EIF1AX: variants seen among roughly 807,000 people sequenced by gnomAD.
EIF1AX encodes eukaryotic translation initiation factor 1A X-linked.
Under a neutral mutation model 16.1 loss-of-function variants are expected in EIF1AX, and 1 was observed. The ratio of observed to expected loss-of-function variants is 0.06; its 90% CI spans 0.02 to 0.30. EIF1AX has a LOEUF of 0.30. EIF1AX is among the 10% of genes least tolerant of loss of function. EIF1AX has a pLI of 1.00. For synonymous variants in EIF1AX, 32 were observed against 37.3 expected, an observed-to-expected ratio of 0.86 and a Z score of 0.51; for missense variants, 11 against 109.1, an observed-to-expected ratio of 0.10 and a Z score of 4.00.
At chrX:20,134,459 C>A (rs1323606429) in intron 3 of EIF1AX, among the ~76,000 whole-genome samples, 7 of 110,792 alleles carry the variant, frequency 6.3e-5, no homozygotes, top group African/African-American at 2.3e-4. Context: ...TTAGTTTGGG[C>A]TGGCATTGTG....
At chrX:20,135,225 T>C (rs180869152) in intron 3 of EIF1AX, among the ~76,000 whole-genome samples, 3 of 109,770 alleles carry the variant, frequency 2.7e-5, no homozygotes, top group Non-Finnish European at 3.8e-5. Flanking sequence ...GGTGGGCTGA[T>C]TGCTTGAGCT....
intron 4 of EIF1AX, 59 bp downstream of exon 4, chrX:20,133,898 A>C: frequency 2.1e-6 from 2 of 958,127 alleles, no homozygotes; most frequent in Non-Finnish European, 2.9e-6. Context: ...CTGGCTCTTA[A>C]GAAATGGCTC....
At chrX:20,133,860 G>T in intron 4 of EIF1AX, 97 bp downstream of exon 4, 1 of 649,137 alleles carries the variant, frequency 1.5e-6, no homozygotes, top group Non-Finnish European at 2.4e-6. Context: ...AAATCCCTGG[G>T]ATACCTAGCA....
chrX:20,131,679 GTTT>G (rs758358275), intron 5 of EIF1AX, among the ~76,000 whole-genome samples: 33 of 85,818 alleles, frequency 3.8e-4, no homozygotes, highest in African/African-American at 1.3e-3. Flanking sequence ...TTGCTTCATG[GTTT>G]TTTTTTTTTT....
chrX:20,125,490 T>A lies in EIF1AX; in HGVS notation c.*2816A>T, dbSNP rs1190320413. On this transcript the variant is annotated 3_prime_UTR_variant, in exon 7 of 7. Coordinates refer to ENST00000379607, the MANE Select transcript of EIF1AX (RefSeq NM_001412.4). The stretch of plus-strand genomic sequence containing the variant: ...AAGTAGAATAAAGATAAGCATTTCA[T>A]ACCAATACAAATCATTTTCATCTTT... 1.2e-5 allele frequency: 2 copies of A among 169,742 alleles called. No homozygotes were observed. The highest frequency in any genetic ancestry group is 2.3e-5 in the Non-Finnish European group (2 of 88,638). 14.0% of individuals were successfully genotyped at this position (169,742 alleles called of 1,213,427 possible). A position where few individuals can be genotyped will look rare whatever the true frequency, so the allele number is the denominator to read the frequency against.
At position 20,133,863 on chromosome X, in the gene EIF1AX, A is replaced by G. The variant is rs1027585199; in HGVS notation, c.255+94T>C. 7 of 668,834 alleles carry G rather than the reference A, an allele frequency of 1.0e-5. No individual in the cohort carries two copies. The African/African-American group carries it at 1.6e-4, about 15-fold the overall frequency. The allele number at this position is 668,834 out of a possible 1,213,427, so 55.1% of individuals were successfully genotyped here. On this transcript the variant is annotated intron_variant, in intron 4 of 6. Transcript: ENST00000379607. ...TGATTTAAACATAAATCCCTGGGAT[A>G]CCTAGCACAATGCCTGAAACAAAAC...
At position 20,130,606 on chromosome X, in the gene EIF1AX, A is replaced by G. The variant is rs2066998470; in HGVS notation, c.339T>C (p.Ala113=). 8.4e-7 allele frequency: 1 copy of G among 1,193,348 alleles called. No homozygotes were observed. Among genetic ancestry groups the G allele is most frequent in the Non-Finnish European group, 1.1e-6 (1 of 887,427 alleles). ...LKAYGELPEH[A]KINETDTFGP... ...CAAATGTATCAGTTTCATTGATTTTAGCTAAGGACACAGTAAGAAATACTC... is the reference window on the plus strand; with the variant it reads ...CAAATGTATCAGTTTCATTGATTTTGGCTAAGGACACAGTAAGAAATACTC... The change falls in exon 6 of 7, where the codon GCT becomes GCC. Residue 113 remains alanine (A), a splice_region_variant and synonymous_variant. Transcript: ENST00000379607.
intron 2 of EIF1AX, among the ~76,000 whole-genome samples, chrX:20,138,246 G>A (rs933767977): frequency 2.8e-5 from 3 of 109,085 alleles, no homozygotes; most frequent in African/African-American, 1.0e-4. Context: ...CTCGTGATCC[G>A]CCCGCCTTGG....
chrX:20,128,411 G>T, intron 6 of EIF1AX, 100 bp from the exon 7 acceptor site: 3 of 667,059 alleles, frequency 4.5e-6, no homozygotes, highest in Non-Finnish European at 6.7e-6. Flanking sequence ...TAGGCTATGT[G>T]AGAAACAAAT....
chrX:20,135,341 G>A (rs1204360870), intron 3 of EIF1AX, among the ~76,000 whole-genome samples: 1 of 110,628 alleles, frequency 9.0e-6, no homozygotes, highest in Non-Finnish European at 1.9e-5. Flanking sequence ...TGCTACACGG[G>A]AGGCTGAAGT....
At chrX:20,137,145 A>C (rs1219869372) in intron 2 of EIF1AX, among the ~76,000 whole-genome samples, 1 of 112,197 alleles carries the variant, frequency 8.9e-6, no homozygotes, top group East Asian at 2.8e-4. Context: ...AATGGTCCTG[A>C]AGAAATCCTA....
chrX:20,138,475 T>G (rs1018563383), intron 2 of EIF1AX, 64 bp downstream of exon 2: 115 of 949,077 alleles, frequency 1.2e-4, no homozygotes, highest in Middle Eastern at 3.8e-4. Context: ...CTCAAAAAAA[T>G]AAAGTCCCCA....
chrX:20,130,405 T>A, intron 6 of EIF1AX, 111 bp downstream of exon 6: 1 of 658,064 alleles, frequency 1.5e-6, no homozygotes, highest in Non-Finnish European at 1.9e-6. Flanking sequence ...ATTCTCAAAA[T>A]ACAACCTTAT....
chrX:20,139,928 T>G (rs2067028934), intron 1 of EIF1AX: 1 of 112,596 alleles, frequency 8.9e-6, no homozygotes, highest in South Asian at 3.6e-4. Flanking sequence ...AAATGTTATT[T>G]AAGAAAAGAC....
At chrX:20,131,702 A>AT (rs1181162898) in intron 5 of EIF1AX, among the ~76,000 whole-genome samples, 2 of 73,244 alleles carry the variant, frequency 2.7e-5, no homozygotes, top group Non-Finnish European at 5.3e-5. Context: ...TTTTTTTTTA[A>AT]TTTTTTTTGA....
rs2066981425 is a variant in EIF1AX, at chrX:20,125,183, G to C, written c.*3123C>G. The C allele has an allele frequency of 1.3e-5, 2 of 155,264 alleles. No homozygotes were observed. The highest frequency in any genetic ancestry group is 6.1e-5 in the African/African-American group (2 of 32,782). 12.8% of individuals were successfully genotyped at this position (155,264 alleles called of 1,213,427 possible). On this transcript the variant is annotated 3_prime_UTR_variant, in exon 7 of 7. Transcript: ENST00000379607. ...GGGGGCAAAGGCCCTTTGACCCCAG[G>C]ATCCATGCTCTCCCCTCTCCAGTAC...
chrX:20,140,200 G>C (rs978061725), intron 1 of EIF1AX: 1 of 112,201 alleles, frequency 8.9e-6, no homozygotes, highest in Non-Finnish European at 1.9e-5. Flanking sequence ...AACCAAAGCA[G>C]AACCTATTAT....
In EIF1AX at chrX:20,138,573, T is replaced by C. The variant is rs778122765; in HGVS notation, c.66A>G (p.Glu22=). 2.5e-6 allele frequency: 3 copies of C among 1,206,407 alleles called. No individual in the cohort carries two copies. Among genetic ancestry groups the C allele is most frequent in the South Asian group, 1.8e-5 (1 of 56,716 alleles). Residue 22 remains glutamate, a synonymous_variant, in exon 2 of 7, where the codon GAA becomes GAG. Transcript: ENST00000379607. ...RRRGKNENES[E]KRELVFKEDG... ...CCTCTTTGAATACCAGTTCTCTTTT[T>C]TCAGATTCATTCTCATTCTTACCCC...
Position 20,128,321 on chromosome X carries a change from A to G in EIF1AX, c.430-10T>C. On this transcript the variant is annotated splice_polypyrimidine_tract_variant and intron_variant, in intron 6 of 6. Coordinates refer to ENST00000379607, the MANE Select transcript of EIF1AX (RefSeq NM_001412.4). ...TGAGTTCAATTTAGATCTGGAAGGG[A>G]AAAGAACATCAGATGAAAGGAAAAA... The G allele has an allele frequency of 8.4e-7, 1 of 1,194,264 alleles. No homozygotes were observed. Among genetic ancestry groups the G allele is most frequent in the South Asian group, 1.8e-5 (1 of 55,124 alleles).
Sources: allele counts gnomAD v4.1 joint callset (sites outside exome capture counted in the v4.1 genomes callset), GRCh38; gene constraint gnomAD v4.1.1; transcripts MANE v1.5; gene names NCBI Gene and HGNC (gene_info 2026-07-23, HGNC 2026-07-21).